IL1RAPL2: variants seen among roughly 807,000 people sequenced by gnomAD.
IL1RAPL2 encodes interleukin 1 receptor accessory protein like 2.
Under a neutral mutation model 44.1 loss-of-function variants are expected in IL1RAPL2, and 3 were observed. That is an observed-to-expected ratio of 0.07 (90% CI 0.03 to 0.18). The LOEUF (loss-of-function observed/expected upper bound fraction) is 0.18. Ranked by LOEUF, IL1RAPL2 falls within the 10% of genes least tolerant of loss-of-function variation. The pLI, the probability that IL1RAPL2 is intolerant of heterozygous loss-of-function variation, is 1.00. For missense variants in IL1RAPL2, 391 were observed against 496.4 expected, an observed-to-expected ratio of 0.79 and a Z score of 2.02; for synonymous variants, 181 against 178.8, an observed-to-expected ratio of 1.01 and a Z score of -0.10.
intron 5 of IL1RAPL2, among the ~76,000 whole-genome samples, chrX:105,285,276 T>C (rs1282355939): frequency 8.9e-6 from 1 of 111,973 alleles, no homozygotes; most frequent in African/African-American, 3.2e-5. Flanking sequence ...CTGGCCTGTA[T>C]AGGTTTGTGA....
intron 2 of IL1RAPL2, among the ~76,000 whole-genome samples, chrX:105,031,948 G>A (rs757703360): frequency 2.5e-4 from 28 of 111,631 alleles, no homozygotes; most frequent in Non-Finnish European, 4.9e-4. Flanking sequence ...TCCTGGTTTA[G>A]ACTTGGGAGG....
chrX:105,759,226 G>T (rs1049100751), intron 10 of IL1RAPL2, among the ~76,000 whole-genome samples: 15 of 112,365 alleles, frequency 1.3e-4, no homozygotes, highest in Admixed American at 3.8e-4. Flanking sequence ...ACTAAAAGTA[G>T]AAACAACCCA....
intron 5 of IL1RAPL2, among the ~76,000 whole-genome samples, chrX:105,409,889 G>A (rs1233483294): frequency 2.2e-5 from 2 of 91,803 alleles, no homozygotes; most frequent in African/African-American, 7.2e-5. Context: ...GTGGGGGGGG[G>A]GTTGGAAAAC....
intron 1 of IL1RAPL2, among the ~76,000 whole-genome samples, chrX:104,575,430 A>G (rs1419117723): frequency 9.0e-6 from 1 of 111,559 alleles, no homozygotes; most frequent in African/African-American, 3.3e-5. Flanking sequence ...ATAAATATAT[A>G]GAGTTATTGA....
chrX:104,727,367 A>G (rs1461392745), intron 2 of IL1RAPL2, among the ~76,000 whole-genome samples: 1 of 111,654 alleles, frequency 9.0e-6, no homozygotes, highest in Non-Finnish European at 1.9e-5. Context: ...GAAAATGCCA[A>G]TTAAAACTAC....
intron 5 of IL1RAPL2, among the ~76,000 whole-genome samples, chrX:105,351,919 TCACGTCCCCCATCCCC>T (rs1280469087): frequency 1.8e-5 from 2 of 111,465 alleles, no homozygotes; most frequent in African/African-American, 6.5e-5. Context: ...ATTTGTTGCT[TCACGTCCCCCATCCCC>T]CACTTTTTAT....
intron 2 of IL1RAPL2, among the ~76,000 whole-genome samples, chrX:105,103,881 T>C (rs1236617263): frequency 8.9e-6 from 1 of 111,888 alleles, no homozygotes; most frequent in Non-Finnish European, 1.9e-5. Flanking sequence ...ATAAAGGGTG[T>C]TCCTGGTCCC....
chrX:104,758,404 T>G (rs1439749359), intron 2 of IL1RAPL2, among the ~76,000 whole-genome samples: 1 of 111,340 alleles, frequency 9.0e-6, no homozygotes, highest in Non-Finnish European at 1.9e-5. Flanking sequence ...TCTCTTTGCA[T>G]TCTCTTCATC....
In IL1RAPL2 at chrX:105,301,949, G is replaced by A. The variant is rs781427539; in HGVS notation, c.697+34408G>A. On this transcript the variant is annotated intron_variant, in intron 5 of 10. Coordinates refer to ENST00000372582, the MANE Select transcript of IL1RAPL2 (RefSeq NM_017416.2). ...TCAAGGAACCTCTAAACTGTTCTCCGTAGTGGTTGTACTAATTTACATTTC... is the reference window on the plus strand; with the variant it reads ...TCAAGGAACCTCTAAACTGTTCTCCATAGTGGTTGTACTAATTTACATTTC... Among the ~76,000 whole-genome samples the A allele has an allele frequency of 1.3e-4, 15 of 112,051 alleles. 1 individual carries two copies. The South Asian group carries it at 2.9e-3, about 22-fold the overall frequency.
chrX:104,707,473 G>A (rs1381533146), intron 2 of IL1RAPL2, among the ~76,000 whole-genome samples: 1 of 111,844 alleles, frequency 8.9e-6, no homozygotes, highest in Admixed American at 9.5e-5. Context: ...GGCTGAAGGT[G>A]TTTCCTTGCC....
intron 2 of IL1RAPL2, among the ~76,000 whole-genome samples, chrX:104,914,233 A>G (rs1039228548): frequency 1.8e-5 from 2 of 111,934 alleles, no homozygotes; most frequent in Non-Finnish European, 3.8e-5. Context: ...AGGTTTGACA[A>G]CATTGGAAAT....
intron 5 of IL1RAPL2, among the ~76,000 whole-genome samples, chrX:105,382,895 C>G (rs1421503186): frequency 2.0e-5 from 2 of 99,626 alleles, no homozygotes; most frequent in Admixed American, 2.4e-4. Context: ...CGCATGTTCT[C>G]ACTCATAGGT....
chrX:104,944,661 A>G (rs186600905), intron 2 of IL1RAPL2, among the ~76,000 whole-genome samples: 55 of 111,976 alleles, frequency 4.9e-4, no homozygotes, highest in Non-Finnish European at 9.2e-4. Context: ...TCTAGTGGGA[A>G]ACGCTGGTTT....
At chrX:104,975,084 A>G (rs745519598) in intron 2 of IL1RAPL2, among the ~76,000 whole-genome samples, 2 of 110,847 alleles carry the variant, frequency 1.8e-5, no homozygotes, top group Non-Finnish European at 3.8e-5. Flanking sequence ...CCCTGTCCCT[A>G]TTGTTGTAGA....
chrX:105,137,049 A>G (rs1022387660), intron 2 of IL1RAPL2, among the ~76,000 whole-genome samples: 14 of 111,488 alleles, frequency 1.3e-4, no homozygotes, highest in African/African-American at 3.6e-4. Context: ...GTGCTTTCTG[A>G]TGGGAGAATG....
chrX:105,765,276 A>C (rs1446572117), intron 10 of IL1RAPL2: 6 of 112,218 alleles, frequency 5.3e-5, no homozygotes, highest in Non-Finnish European at 1.1e-4. Context: ...AGCTGTTGAT[A>C]CATTGGGAAA....
Position 105,767,523 on chromosome X carries a change from T to C in IL1RAPL2, c.1923T>C (p.Tyr641=). ...PVPSLGNHHT[Y]CNLPLTLLNG... Reference sequence around the variant, plus strand: ...CTTCCTTAGGCAACCACCATACTTATTGTAACCTGCCTCTGACGCTACTCA... The same window carrying C: ...CTTCCTTAGGCAACCACCATACTTACTGTAACCTGCCTCTGACGCTACTCA... The change falls in exon 11 of 11, where the codon TAT becomes TAC. Residue 641 remains tyrosine (Y), a synonymous_variant. Transcript: ENST00000372582. The C allele has an allele frequency of 1.7e-6, 2 of 1,210,942 alleles. No individual in the cohort carries two copies. The highest frequency in any genetic ancestry group is 3.0e-5 in the East Asian group (1 of 33,820).
intron 2 of IL1RAPL2, among the ~76,000 whole-genome samples, chrX:104,776,690 G>T (rs973181090): frequency 9.0e-6 from 1 of 111,311 alleles, no homozygotes; most frequent in Non-Finnish European, 1.9e-5. Flanking sequence ...AGGGCAAATG[G>T]TACTTAAAAA....
At chrX:105,395,394 GAA>G (rs1013695235) in intron 5 of IL1RAPL2, among the ~76,000 whole-genome samples, 9 of 109,627 alleles carry the variant, frequency 8.2e-5, no homozygotes, top group African/African-American at 2.3e-4. Flanking sequence ...AAAAAGAAAA[GAA>G]GAGATATTCT....
Sources: gnomAD v4.1 joint callset for allele counts (sites outside exome capture counted in the v4.1 genomes callset) on GRCh38, gnomAD v4.1.1 for gene constraint, MANE v1.5 for transcripts, NCBI Gene and HGNC (gene_info 2026-07-23, HGNC 2026-07-21) for gene names.